The following LEMD2 variants were observed in gnomAD, a reference collection of about 807,000 sequenced individuals.
LEMD2 encodes LEM domain-containing protein 2.
Under a neutral mutation model 58.8 loss-of-function variants are expected in LEMD2, and 34 were observed. The observed-to-expected ratio is 0.58, with a 90% CI of 0.44 to 0.77. The LOEUF is 0.77. Ranked by LOEUF, LEMD2 falls within the 30% of genes least tolerant of loss-of-function variation. The pLI is 0.00. For synonymous variants in LEMD2, 298 were observed against 308.9 expected (o/e 0.96, Z 0.37); for missense variants, 629 against 717.9 (o/e 0.88, Z 1.42).
chr6:33,771,401 G>A lies in LEMD2; in HGVS notation c.*1227C>T, dbSNP rs1767286647. The A allele has an allele frequency of 6.6e-6, 1 of 152,266 alleles. No individual in the cohort carries two copies. The highest frequency in any genetic ancestry group is 1.5e-5 in the Non-Finnish European group (1 of 68,074). The allele number at this position is 152,266 out of a possible 1,614,324, so 9.4% of individuals were successfully genotyped here. On this transcript the variant is annotated 3_prime_UTR_variant, in exon 9 of 9. Coordinates refer to ENST00000293760, the MANE Select transcript of LEMD2 (RefSeq NM_181336.4). ...GGAAATGAGAGTATTGCTCAAATGA[G>A]GGAGACTGGAGCTTTATTAAGGAAA...
chr6:33,772,152 C>G lies in LEMD2; in HGVS notation c.*476G>C. ...GATAGAGGCCCAGCCAGCCAGAGCA[C>G]AGGCTTTCTCCCTTCACCCTGGAGC... is the stretch of plus-strand genomic sequence containing the variant. On this transcript the variant is annotated 3_prime_UTR_variant, in exon 9 of 9. Coordinates refer to ENST00000293760, the MANE Select transcript of LEMD2 (RefSeq NM_181336.4). The G allele has an allele frequency of 6.4e-6, 1 of 156,216 alleles. No homozygotes were observed. Among genetic ancestry groups the G allele is most frequent in the East Asian group, 1.9e-4 (1 of 5,244 alleles). 9.7% of individuals were successfully genotyped at this position (156,216 alleles called of 1,614,324 possible). A position where few individuals can be genotyped will look rare whatever the true frequency, so the allele number is the denominator to read the frequency against.
At chr6:33,782,685 G>C (rs1052606025) in intron 3 of LEMD2, among the ~76,000 whole-genome samples, 5 of 152,232 alleles carry the variant, frequency 3.3e-5, no homozygotes, top group African/African-American at 9.6e-5. Flanking sequence ...ATCACCCAGT[G>C]GTCAGGGAGG....
chr6:33,786,889 G>A (rs1767689540), intron 1 of LEMD2, 115 bp from the exon 2 acceptor site: 1 of 1,513,598 alleles, frequency 6.6e-7, no homozygotes. Context: ...CAAGGGTGGG[G>A]ATTAGAAAGA....
In LEMD2 at chr6:33,771,216, G is replaced by A. The variant is rs573886827; in HGVS notation, c.*1412C>T. 6.6e-6 allele frequency: 1 copy of A among 152,332 alleles called. No individual in the cohort carries two copies. The highest frequency in any genetic ancestry group is 2.4e-5 in the African/African-American group (1 of 41,560). 9.4% of individuals were successfully genotyped at this position (152,332 alleles called of 1,614,324 possible). ...AAAGAACCATGGGCAAGAAACATCC[G>A]TTTTTAATAAATAGTTTATTCATCC... is the stretch of plus-strand genomic sequence containing the variant. On this transcript the variant is annotated 3_prime_UTR_variant, in exon 9 of 9. Coordinates refer to ENST00000293760, the MANE Select transcript of LEMD2 (RefSeq NM_181336.4).
In LEMD2 at chr6:33,788,630, A is replaced by C. The variant is rs1225410125; in HGVS notation, c.487T>G (p.Trp163Gly). The change falls in exon 1 of 9, where the codon TGG (tryptophan) becomes GGG (glycine). Residue 163 changes from tryptophan (W) to glycine (G), a missense_variant. Trp to Gly is a radical substitution (Grantham distance 184, BLOSUM62 -2). Coordinates refer to ENST00000293760, the MANE Select transcript of LEMD2 (RefSeq NM_181336.4). ...QGPGLAARRW[W>G]AASPAPARLP... ...CGCGCCGGGGCGGGAGACGCTGCCC[A>C]CCAGCGGCGGGCCGCGAGACCCGGG... 1 of 1,273,646 alleles carries C rather than the reference A, an allele frequency of 7.9e-7. No individual in the cohort carries two copies. Among genetic ancestry groups the C allele is most frequent in the Non-Finnish European group, 9.9e-7 (1 of 1,014,334 alleles). The allele number at this position is 1,273,646 out of a possible 1,614,324, so 78.9% of individuals were successfully genotyped here.
intron 5 of LEMD2, chr6:33,779,803 G>T: frequency 3.2e-6 from 1 of 311,068 alleles, no homozygotes; most frequent in Non-Finnish European, 5.9e-6. Context: ...ATGTGGTGTT[G>T]TTGATGAATG....
chr6:33,787,115 CA>C (rs1767695408), intron 1 of LEMD2: 2 of 301,760 alleles, frequency 6.6e-6, no homozygotes, highest in Non-Finnish European at 6.2e-6. Flanking sequence ...TAGGCCCAAA[CA>C]AAACAAAATA....
chr6:33,789,011 G>A lies in LEMD2; in HGVS notation c.106C>T (p.Arg36Cys), dbSNP rs1767760167. The change falls in exon 1 of 9, where the codon CGC becomes TGC. Residue 36 changes from arginine (R) to cysteine (C), a missense_variant. By Grantham distance (180) the Arg-to-Cys change is radical. This residue lies in a region of LEMD2 where 386 missense variants were observed against 381.1 expected (regional missense o/e 1.01). Transcript: ENST00000293760. The part of the protein sequence containing the change: ...TTRDVYRNKL[R>C]RLRGEARLRD... ...AGCCGGGCCTCGCCCCGCAGGCGGCGCAGCTTGTTGCGGTAGACATCCCGG... is the reference window on the plus strand; with the variant it reads ...AGCCGGGCCTCGCCCCGCAGGCGGCACAGCTTGTTGCGGTAGACATCCCGG... 2.3e-5 allele frequency: 36 copies of A among 1,553,330 alleles called. No individual in the cohort carries two copies. The highest frequency in any genetic ancestry group is 3.1e-5 in the Non-Finnish European group (36 of 1,156,770).
At chr6:33,781,467 G>C (rs187488349) in intron 3 of LEMD2, 3 of 298,130 alleles carry the variant, frequency 1.0e-5, no homozygotes, top group Non-Finnish European at 1.9e-5. Context: ...GGAAGGTACC[G>C]GAATGGCACT....
intron 1 of LEMD2, among the ~76,000 whole-genome samples, chr6:33,788,061 G>T (rs73412136): frequency 0.016 from 2,381 of 152,370 alleles, 64 homozygotes; most frequent in African/African-American, 0.052. Flanking sequence ...CTGTTAGAGG[G>T]GGGTGTGGCT....
intron 8 of LEMD2, among the ~76,000 whole-genome samples, chr6:33,775,312 T>C (rs566156749): frequency 4.6e-4 from 70 of 152,282 alleles, no homozygotes; most frequent in African/African-American, 1.6e-3. Context: ...ATGTTTAAGA[T>C]GGACCTTTTT....
At position 33,771,813 on chromosome 6, in the gene LEMD2, T is replaced by C. The variant is rs533729350; in HGVS notation, c.*815A>G. ...GTGGTCACAGTAAAGCAAGGCGATC[T>C]TCGCACACAGCAAGTGCGAGGCTCT... On this transcript the variant is annotated 3_prime_UTR_variant, in exon 9 of 9. Coordinates refer to ENST00000293760, the MANE Select transcript of LEMD2 (RefSeq NM_181336.4). 6.6e-6 allele frequency: 1 copy of C among 152,374 alleles called. No homozygotes were observed. The highest frequency in any genetic ancestry group is 1.9e-4 in the East Asian group (1 of 5,186). The allele number at this position is 152,374 out of a possible 1,614,324, so 9.4% of individuals were successfully genotyped here.
intron 2 of LEMD2, among the ~76,000 whole-genome samples, chr6:33,784,970 G>C (rs1037402377): frequency 6.6e-6 from 1 of 152,198 alleles, no homozygotes; most frequent in Non-Finnish European, 1.5e-5. Flanking sequence ...CCACTCAGCA[G>C]AGGCTGCTAC....
chr6:33,777,065 G>A lies in LEMD2; in HGVS notation c.1259-9C>T, dbSNP rs1401371372. On this transcript the variant is annotated splice_polypyrimidine_tract_variant and intron_variant, in intron 7 of 8. Transcript: ENST00000293760. ...ATGGTCCTGGACCACGTCTGCAGGA[G>A]AGAGCACACCATTTAGGGCAAGGAC... The A allele has an allele frequency of 1.9e-6, 3 of 1,613,020 alleles. No individual in the cohort carries two copies. The highest frequency in any genetic ancestry group is 2.5e-6 in the Non-Finnish European group (3 of 1,179,058).
chr6:33,779,548 C>T (rs1311023551), intron 5 of LEMD2: 3 of 152,386 alleles, frequency 2.0e-5, no homozygotes, highest in African/African-American at 7.2e-5. Flanking sequence ...TGACACGCCC[C>T]TCCCCCTGGG....
chr6:33,781,145 C>G lies in LEMD2; in HGVS notation c.862G>C (p.Glu288Gln). 1 of 1,601,900 alleles carries G rather than the reference C, an allele frequency of 6.2e-7. No homozygotes were observed. Among genetic ancestry groups the G allele is most frequent in the Non-Finnish European group, 8.5e-7 (1 of 1,172,142 alleles). Residue 288 changes from glutamate (E) to glutamine (Q), a missense_variant, in exon 4 of 9, where the codon GAG becomes CAG. Around this residue, in one of 2 missense-constraint regions of LEMD2, gnomAD observed 243 missense variants for 336.8 expected, o/e 0.72. Transcript: ENST00000293760. ...NFLAIQAGNF[E>Q]CGNPENLKSK... The stretch of plus-strand genomic sequence containing the variant: ...TTTAGATTCTCTGGATTTCCACACT[C>G]AAAATTACCTAGGAGAAAAAAAACC...
chr6:33,785,425 G>A lies in LEMD2; in HGVS notation c.778-998C>T, dbSNP rs148850372. Among the ~76,000 whole-genome samples the A allele has an allele frequency of 3.0e-3, 462 of 152,310 alleles. 2 individuals are homozygous for A. Among genetic ancestry groups the A allele is most frequent in the African/African-American group, 5.6e-3 (234 of 41,564 alleles). Reference sequence around the variant, plus strand: ...CCCTCGCTGGCAGGTGCTGAATGCCGTCTGCCCACGGAGCGCATCTGTAGC... The same window carrying A: ...CCCTCGCTGGCAGGTGCTGAATGCCATCTGCCCACGGAGCGCATCTGTAGC... On this transcript the variant is annotated intron_variant, in intron 2 of 8. Coordinates refer to ENST00000293760, the MANE Select transcript of LEMD2 (RefSeq NM_181336.4).
chr6:33,776,981 CG>C lies in LEMD2; in HGVS notation c.1333del (p.Arg445AlafsTer4). 1 of 1,613,920 alleles carries C rather than the reference CG, an allele frequency of 6.2e-7. No individual in the cohort carries two copies. Among genetic ancestry groups the C allele is most frequent in the South Asian group, 1.1e-5 (1 of 91,072 alleles). Reference sequence around the variant, plus strand: ...GCTCTGTGGAGGGATCAAGCTGTCGCGCACGTGCAGGATGCCTACATATGGA... The same window carrying C: ...GCTCTGTGGAGGGATCAAGCTGTCGCCACGTGCAGGATGCCTACATATGGA... ...RYPYVGILHV[R>X]DSLIPPQSRR... On this transcript the variant is annotated frameshift_variant, in exon 8 of 9. Coordinates refer to ENST00000293760, the MANE Select transcript of LEMD2 (RefSeq NM_181336.4). LOFTEE classifies it high-confidence loss of function.
chr6:33,785,120 C>A (rs946776864), intron 2 of LEMD2, among the ~76,000 whole-genome samples: 1 of 152,064 alleles, frequency 6.6e-6, no homozygotes, highest in African/African-American at 2.4e-5. Flanking sequence ...CCGTCTTCAA[C>A]GACCGAAAAG....
Sources: gnomAD v4.1 joint callset for allele counts (sites outside exome capture counted in the v4.1 genomes callset) on GRCh38, gnomAD v4.1.1 for gene constraint, gnomAD v4.1.1 regional missense constraint, MANE v1.5 for transcripts, NCBI Gene and HGNC (gene_info 2026-07-23, HGNC 2026-07-21) for gene names.